MTRF1: variants seen among roughly 807,000 people sequenced by gnomAD.
MTRF1 encodes the protein mitochondrial translation release factor 1.
Under a neutral mutation model 62.9 loss-of-function variants are expected in MTRF1, and 51 were observed. The ratio of observed to expected loss-of-function variants is 0.81; its 90% CI spans 0.65 to 1.02. The LOEUF is 1.02. Among genes scored for constraint, MTRF1 ranks in the 50% least tolerant of loss-of-function variants. MTRF1 has a pLI of 0.00. For missense variants in MTRF1, 446 were observed against 530.0 expected, an observed-to-expected ratio of 0.84 and a Z score of 1.56; for synonymous variants, 158 against 181.9, an observed-to-expected ratio of 0.87 and a Z score of 1.06.
rs541042130 is a variant in MTRF1 at position 41,227,543 on chromosome 13, T to C, written c.989-975A>G. ...TGTGTAGTCCAGTTCCTGGTCCAAA[T>C]CCAGCTCTGAAACGATCACTTCTTG... On this transcript the variant is annotated intron_variant, in intron 7 of 9. Transcript: ENST00000379480. 1.7e-4 allele frequency among the ~76,000 whole-genome samples: 26 copies of C among 152,270 alleles called. 1 individual carries two copies. In the South Asian group the frequency reaches 4.1e-3, roughly 24 times the overall value.
intron 7 of MTRF1, among the ~76,000 whole-genome samples, chr13:41,231,894 A>AAAG (rs2035636128): frequency 6.6e-6 from 1 of 151,386 alleles, no homozygotes; most frequent in Non-Finnish European, 1.5e-5. Flanking sequence ...AAAAAAAAAA[A>AAAG]AAAGCAAAAA....
Position 41,260,686 on chromosome 13 carries a change from T to C in MTRF1, c.222A>G (p.Ala74=). ...TCAGGTTCTCCATATATTTCTGTAG[T>C]GCTTTATGCTTCCAGAGCATCTTGG... ...QDTKMLWKHK[A]LQKYMENLSK... is the part of the protein sequence containing the mutation. The change falls in exon 2 of 10, where the codon GCA becomes GCG. Residue 74 remains alanine (A), a synonymous_variant. Transcript: ENST00000379480. 3 of 1,614,194 alleles carry C rather than the reference T, an allele frequency of 1.9e-6. No individual in the cohort carries two copies. The highest frequency in any genetic ancestry group is 8.5e-7 in the Non-Finnish European group (1 of 1,180,002).
chr13:41,310,346 A>G, the MTRF1 span, among the ~76,000 whole-genome samples: 1 of 152,196 alleles, frequency 6.6e-6, no homozygotes, highest in Non-Finnish European at 1.5e-5. Flanking sequence ...GAGAAAGGGT[A>G]GGTAGACTCA....
intron 7 of MTRF1, among the ~76,000 whole-genome samples, chr13:41,227,585 A>C (rs1252015362): frequency 6.6e-6 from 1 of 152,160 alleles, no homozygotes; most frequent in Non-Finnish European, 1.5e-5. Flanking sequence ...TGTTGTTCTT[A>C]ACTTTGCAGC....
chr13:41,240,504 A>T (rs372261271), intron 5 of MTRF1, 71 bp from the exon 6 acceptor site: 5 of 1,438,468 alleles, frequency 3.5e-6, no homozygotes, highest in South Asian at 1.4e-5. Flanking sequence ...AAATGTCCTT[A>T]ATCTAAGGCC....
At chr13:41,302,178 C>G in the MTRF1 span, among the ~76,000 whole-genome samples, 2 of 152,034 alleles carry the variant, frequency 1.3e-5, no homozygotes, top group African/African-American at 2.4e-5. Flanking sequence ...AGGTACCCAC[C>G]ACCACCATGT....
rs145209985 is a variant in MTRF1 at position 41,261,210 on chromosome 13, T to A, written c.-8-295A>T. On this transcript the variant is annotated intron_variant, in intron 1 of 9. Coordinates refer to ENST00000379480, the MANE Select transcript of MTRF1 (RefSeq NM_004294.4). ...TTATCCGGGCGTGGTGGCAGGCGCC[T>A]GTAATCCCAGCTACTCAGGAGTCTG... 229 of 219,512 alleles carry A rather than the reference T, an allele frequency of 1.0e-3. 3 individuals are homozygous for A. In the East Asian group the frequency reaches 0.021, roughly 20 times the overall value. The allele number at this position is 219,512 out of a possible 1,614,324, so 13.6% of individuals were successfully genotyped here.
chr13:41,280,215 G>C, the MTRF1 span, among the ~76,000 whole-genome samples: 1 of 152,268 alleles, frequency 6.6e-6, no homozygotes, highest in Admixed American at 6.5e-5. Flanking sequence ...GATTACAGGC[G>C]TGAGCCACCG....
intron 2 of MTRF1, among the ~76,000 whole-genome samples, chr13:41,259,950 C>A (rs2040244975): frequency 6.6e-6 from 1 of 152,102 alleles, no homozygotes; most frequent in Admixed American, 6.5e-5. Context: ...GTATGTGTAG[C>A]CCTAGTATGT....
intron 5 of MTRF1, among the ~76,000 whole-genome samples, chr13:41,241,161 C>T (rs1284930634): frequency 2.0e-5 from 3 of 152,086 alleles, no homozygotes; most frequent in Non-Finnish European, 2.9e-5. Flanking sequence ...TCTCCTGCCT[C>T]GTTCTCTTGA....
At chr13:41,257,846 A>G (rs778691261) in intron 2 of MTRF1, 8 of 413,544 alleles carry the variant, frequency 1.9e-5, no homozygotes, top group South Asian at 1.4e-4. Flanking sequence ...ATCCTACCTC[A>G]TAAGGTTACC....
chr13:41,300,443 A>G, the MTRF1 span, among the ~76,000 whole-genome samples: 3 of 151,970 alleles, frequency 2.0e-5, no homozygotes, highest in Admixed American at 6.6e-5. Flanking sequence ...AAAATTAGCC[A>G]GGCATGGTGG....
the MTRF1 span, among the ~76,000 whole-genome samples, chr13:41,282,839 C>A: frequency 6.6e-6 from 1 of 152,226 alleles, no homozygotes; most frequent in African/African-American, 2.4e-5. Context: ...TAGGGCTATG[C>A]CCCATATGGG....
chr13:41,220,512 C>T (rs1244690955), intron 9 of MTRF1: 13 of 1,083,804 alleles, frequency 1.2e-5, no homozygotes, highest in East Asian at 5.9e-5. Context: ...CTTATTAGCT[C>T]GATAAATAAA....
At chr13:41,228,275 A>C (rs1478140202) in intron 7 of MTRF1, among the ~76,000 whole-genome samples, 1 of 152,130 alleles carries the variant, frequency 6.6e-6, no homozygotes, top group Non-Finnish European at 1.5e-5. Flanking sequence ...TGTACTGAAT[A>C]ATAGAAGGGG....
chr13:41,247,257 A>G (rs1566132633), intron 5 of MTRF1, among the ~76,000 whole-genome samples: 1 of 152,210 alleles, frequency 6.6e-6, no homozygotes, highest in African/African-American at 2.4e-5. Flanking sequence ...CAAGCTCCCT[A>G]TGAGCTAAAC....
At chr13:41,311,696 C>T in the MTRF1 span, 6 of 978,920 alleles carry the variant, frequency 6.1e-6, no homozygotes, top group East Asian at 1.7e-4. Flanking sequence ...CTGCCCACCG[C>T]TCTTTGTTTA....
the MTRF1 span, among the ~76,000 whole-genome samples, chr13:41,306,244 C>G: frequency 6.6e-6 from 1 of 151,816 alleles, no homozygotes; most frequent in African/African-American, 2.4e-5. Context: ...ATTAGCCGGG[C>G]GTGGTGGCGG....
At chr13:41,284,324 GAAA>G in the MTRF1 span, among the ~76,000 whole-genome samples, 1 of 126,414 alleles carries the variant, frequency 7.9e-6, no homozygotes, top group Non-Finnish European at 1.7e-5. Context: ...CATCTCTACT[GAAA>G]AAAAAAAAAA....
Sources: allele counts gnomAD v4.1 joint callset (sites outside exome capture counted in the v4.1 genomes callset), GRCh38; gene constraint gnomAD v4.1.1; transcripts MANE v1.5; gene names NCBI Gene and HGNC (gene_info 2026-07-23, HGNC 2026-07-21).